WNK2: variants seen among roughly 807,000 people sequenced by gnomAD.
WNK2 encodes the protein WNK lysine deficient protein kinase 2.
In WNK2, 67 loss-of-function variants were observed where a neutral mutation model predicts 192.1. The ratio of observed to expected loss-of-function variants is 0.35; its 90% CI spans 0.29 to 0.43. WNK2 has a LOEUF of 0.43. WNK2 is among the 20% of genes least tolerant of loss of function. The probability of loss-of-function intolerance (pLI) is 1.00; values close to 1 mark genes in which losing one functional copy is unlikely to be tolerated. For synonymous variants in WNK2, 1,439 were observed against 1,393.9 expected, an observed-to-expected ratio of 1.03 and a Z score of -0.72; for missense variants, 2,698 against 3,089.7, an observed-to-expected ratio of 0.87 and a Z score of 3.01.
intron 21 of WNK2, among the ~76,000 whole-genome samples, chr9:93,290,638 C>G (rs1588470157): frequency 6.6e-6 from 1 of 152,340 alleles, no homozygotes; most frequent in East Asian, 1.9e-4. Context: ...CCCACCCCAG[C>G]CCTTGCTTTT....
chr9:93,193,532 C>T (rs532168344), intron 2 of WNK2, among the ~76,000 whole-genome samples: 11 of 152,198 alleles, frequency 7.2e-5, no homozygotes, highest in African/African-American at 1.7e-4. Flanking sequence ...GCACCTGTGC[C>T]GCTGTTGCCT....
intron 2 of WNK2, among the ~76,000 whole-genome samples, chr9:93,210,587 C>T (rs1463431759): frequency 6.6e-6 from 1 of 152,130 alleles, no homozygotes; most frequent in African/African-American, 2.4e-5. Context: ...CAGATCTGTC[C>T]ACCTCCTGAG....
At chr9:93,305,651 G>A (rs1852382920) in intron 26 of WNK2, among the ~76,000 whole-genome samples, 1 of 152,260 alleles carries the variant, frequency 6.6e-6, no homozygotes, top group African/African-American at 2.4e-5. Context: ...TTGGGCCAAG[G>A]AGCTGGACGA....
chr9:93,307,903 C>T (rs1054765199), intron 27 of WNK2: 2 of 185,342 alleles, frequency 1.1e-5, no homozygotes, highest in East Asian at 1.5e-4. Flanking sequence ...CCTCATGTTA[C>T]GGCTGAGGAT....
chr9:93,317,447 C>T, intron 28 of WNK2, 73 bp from the exon 29 acceptor site: 2 of 1,489,450 alleles, frequency 1.3e-6, no homozygotes, highest in Non-Finnish European at 1.8e-6. Flanking sequence ...CTGTGGCACC[C>T]TGGGGGCCAC....
chr9:93,214,458 C>T (rs935239884), intron 2 of WNK2, among the ~76,000 whole-genome samples: 2 of 152,026 alleles, frequency 1.3e-5, no homozygotes, highest in Non-Finnish European at 1.5e-5. Flanking sequence ...TGCATGCCAC[C>T]ATGCCTGGCT....
At chr9:93,283,475 A>G (rs1466479862) in intron 19 of WNK2, among the ~76,000 whole-genome samples, 1 of 152,222 alleles carries the variant, frequency 6.6e-6, no homozygotes, top group African/African-American at 2.4e-5. Flanking sequence ...AGACACTGCT[A>G]CAGTCCTACA....
intron 8 of WNK2, among the ~76,000 whole-genome samples, chr9:93,249,193 C>T (rs983795568): frequency 2.6e-5 from 4 of 152,184 alleles, no homozygotes; most frequent in Admixed American, 6.5e-5. Flanking sequence ...ACTTTTAAAT[C>T]GTAATTGTGG....
At chr9:93,200,492 T>G (rs1832138293) in intron 2 of WNK2, among the ~76,000 whole-genome samples, 1 of 152,250 alleles carries the variant, frequency 6.6e-6, no homozygotes, top group African/African-American at 2.4e-5. Context: ...GTTGTCCCCT[T>G]CAGCCTCTCG....
At chr9:93,215,920 T>C (rs1835658507) in intron 2 of WNK2, among the ~76,000 whole-genome samples, 2 of 152,234 alleles carry the variant, frequency 1.3e-5, no homozygotes, top group Admixed American at 6.5e-5. Context: ...TATGGACATA[T>C]TTGAGGCTCT....
chr9:93,264,301 C>T (rs886408794), intron 16 of WNK2, among the ~76,000 whole-genome samples: 3 of 152,266 alleles, frequency 2.0e-5, no homozygotes, highest in Admixed American at 6.5e-5. Flanking sequence ...CTGAGCCCTT[C>T]CTCCAAATAA....
intron 2 of WNK2, among the ~76,000 whole-genome samples, chr9:93,223,556 G>A (rs1455915317): frequency 1.3e-5 from 2 of 152,250 alleles, no homozygotes; most frequent in Admixed American, 1.3e-4. Flanking sequence ...CACACCCAGA[G>A]CCTCCGTGAC....
At position 93,247,969 on chromosome 9, in the gene WNK2, C is replaced by A; in HGVS notation, c.1834+135C>A. 1 of 975,952 alleles carries A rather than the reference C, an allele frequency of 1.0e-6. No individual in the cohort carries two copies. Among genetic ancestry groups the A allele is most frequent in the Non-Finnish European group, 1.5e-6 (1 of 672,722 alleles). 60.5% of individuals were successfully genotyped at this position (975,952 alleles called of 1,614,324 possible). On this transcript the variant is annotated intron_variant, in intron 8 of 29. Coordinates refer to ENST00000427277, the MANE Select transcript of WNK2 (RefSeq NM_006648.4). The surrounding 1 kb of genome is among the most constrained non-coding windows in gnomAD (Gnocchi z 5.2). ...TGAGGAAGGGGGTCCGCATGGCATCCCCTCGGAGGAGACATCGTGTAGCTC... is the reference window on the plus strand; with the variant it reads ...TGAGGAAGGGGGTCCGCATGGCATCACCTCGGAGGAGACATCGTGTAGCTC...
intron 2 of WNK2, among the ~76,000 whole-genome samples, chr9:93,204,845 A>G (rs532974970): frequency 6.6e-6 from 1 of 152,194 alleles, no homozygotes; most frequent in Non-Finnish European, 1.5e-5. Context: ...CAAGCTGGGC[A>G]GAGCCTTGGG....
intron 8 of WNK2, 60 bp from the exon 9 acceptor site, chr9:93,252,823 A>C: frequency 7.6e-7 from 1 of 1,318,660 alleles, no homozygotes; most frequent in South Asian, 1.9e-5. Flanking sequence ...AGATGAGCCA[A>C]TGTTTGTTCA....
chr9:93,207,670 A>G (rs1027127054), intron 2 of WNK2, among the ~76,000 whole-genome samples: 3 of 152,230 alleles, frequency 2.0e-5, no homozygotes, highest in Non-Finnish European at 4.4e-5. Flanking sequence ...CACTGTGGAA[A>G]TGAAAATAGC....
chr9:93,241,869 C>T (rs1003251269), intron 7 of WNK2, among the ~76,000 whole-genome samples: 2 of 151,986 alleles, frequency 1.3e-5, no homozygotes, highest in African/African-American at 2.4e-5. Flanking sequence ...TTCCTGCAGC[C>T]GCGACCCCTG....
chr9:93,203,319 TG>T (rs1176013981), intron 2 of WNK2, among the ~76,000 whole-genome samples: 1 of 151,686 alleles, frequency 6.6e-6, no homozygotes, highest in Non-Finnish European at 1.5e-5. Context: ...TGGTCTGAGT[TG>T]GGGGCATTGG....
chr9:93,251,085 C>T (rs960198718), intron 8 of WNK2, among the ~76,000 whole-genome samples: 2 of 151,234 alleles, frequency 1.3e-5, no homozygotes, highest in East Asian at 2.0e-4. Context: ...CTGTGCCTGG[C>T]CCATATTCAC....
Sources: allele counts gnomAD v4.1 joint callset (sites outside exome capture counted in the v4.1 genomes callset), GRCh38; gene constraint gnomAD v4.1.1; non-coding constraint Gnocchi (gnomAD v3.1); transcripts MANE v1.5; gene names NCBI Gene and HGNC (gene_info 2026-07-23, HGNC 2026-07-21).